Variants in LPL observed in about 807,000 individuals in gnomAD.
LPL encodes the protein lipoprotein lipase, also known as phospholipase A1.
LPL carries 43 observed loss-of-function variants against 52.2 expected under a neutral mutation model. That is an observed-to-expected ratio of 0.82 (90% CI 0.64 to 1.06). LPL has a LOEUF of 1.06. Ranked by LOEUF, LPL falls within the 50% of genes least tolerant of loss-of-function variation. LPL has a pLI of 0.00. For synonymous variants in LPL, 244 were observed against 215.6 expected (o/e 1.13, Z -1.15); for missense variants, 639 against 585.3 (o/e 1.09, Z -0.95).
At chr8:19,951,161 G>C (rs1427584904) in intron 2 of LPL, among the ~76,000 whole-genome samples, 1 of 152,218 alleles carries the variant, frequency 6.6e-6, no homozygotes, top group African/African-American at 2.4e-5. Context: ...ATCCCAGCAG[G>C]TTGCTTAGAC....
rs2070077382 is a variant in LPL at position 19,965,438 on chromosome 8, T to C, written c.*128T>C. On this transcript the variant is annotated 3_prime_UTR_variant, in exon 10 of 10. Coordinates refer to ENST00000650287, the MANE Select transcript of LPL (RefSeq NM_000237.3). ...AAAAGTGGATTTTCCTGAATATTAA[T>C]CCCAGCCCTACCCTTGTTAGTTATT... is the stretch of plus-strand genomic sequence containing the variant. 2.8e-6 allele frequency: 2 copies of C among 725,234 alleles called. No individual in the cohort carries two copies. Among genetic ancestry groups the C allele is most frequent in the Admixed American group, 3.7e-5 (2 of 54,046 alleles). 44.9% of individuals were successfully genotyped at this position (725,234 alleles called of 1,614,324 possible). A position where few individuals can be genotyped will look rare whatever the true frequency, so the allele number is the denominator to read the frequency against.
rs181652952 is a variant in LPL, at chr8:19,950,665, G to T, written c.250-1104G>T. On this transcript the variant is annotated intron_variant, in intron 2 of 9. Transcript: ENST00000650287. This position sits in a 1 kb window ranked among gnomAD's most constrained non-coding sequence, Gnocchi z 4.2. ...AAAAATACAAAAAAATTAGCCAGGT[G>T]TGGTGGTATGTGCTTGTAGTCCCAG... 6.6e-6 allele frequency among the ~76,000 whole-genome samples: 1 copy of T among 152,278 alleles called. No individual in the cohort carries two copies.
At position 19,966,012 on chromosome 8, in the gene LPL, C is replaced by A. The variant is rs2070085825; in HGVS notation, c.*702C>A. 6.6e-6 allele frequency: 1 copy of A among 151,948 alleles called. No homozygotes were observed. Among genetic ancestry groups the A allele is most frequent in the South Asian group, 2.1e-4 (1 of 4,820 alleles). The allele number at this position is 151,948 out of a possible 1,614,324, so 9.4% of individuals were successfully genotyped here. A position where few individuals can be genotyped will look rare whatever the true frequency, so the allele number is the denominator to read the frequency against. The stretch of plus-strand genomic sequence containing the variant: ...TAGGCTTTATCGTTTATTGCTTAAT[C>A]CCTCTCTCCCCCTTCTTTTTTGTCT... On this transcript the variant is annotated 3_prime_UTR_variant, in exon 10 of 10. Transcript: ENST00000650287.
chr8:19,963,322 G>C (rs554798801), intron 9 of LPL, among the ~76,000 whole-genome samples: 62 of 152,070 alleles, frequency 4.1e-4, no homozygotes, highest in African/African-American at 1.4e-3. Flanking sequence ...TGTAATCCCA[G>C]CTACTCGGCA....
chr8:19,958,162 G>T (rs916411946), intron 6 of LPL, among the ~76,000 whole-genome samples: 35 of 152,008 alleles, frequency 2.3e-4, no homozygotes, highest in Non-Finnish European at 4.6e-4. Context: ...GGGATTACAG[G>T]CACCCGCCAC....
At chr8:19,943,042 GA>G (rs1278616536) in intron 1 of LPL, among the ~76,000 whole-genome samples, 1 of 152,158 alleles carries the variant, frequency 6.6e-6, no homozygotes, top group African/African-American at 2.4e-5. Flanking sequence ...TTTGACAGTA[GA>G]ATAGAACAAA....
intron 4 of LPL, among the ~76,000 whole-genome samples, 172 bp downstream of exon 4, chr8:19,953,593 C>G (rs1234873207): frequency 6.6e-6 from 1 of 152,182 alleles, no homozygotes; most frequent in African/African-American, 2.4e-5. Context: ...AGAAAAAACA[C>G]AGACGCTCTC....
chr8:19,940,489 G>A (rs1167634053), intron 1 of LPL, among the ~76,000 whole-genome samples: 1 of 152,246 alleles, frequency 6.6e-6, no homozygotes, highest in Non-Finnish European at 1.5e-5. Context: ...TGGGGTCCAG[G>A]CGTTCGGGGC....
At chr8:19,954,535 T>A (rs542238264) in intron 5 of LPL, among the ~76,000 whole-genome samples, 182 bp downstream of exon 5, 84 of 152,312 alleles carry the variant, frequency 5.5e-4, no homozygotes, top group African/African-American at 1.9e-3. Flanking sequence ...AGCCATTTTA[T>A]CTTTTATTTA....
At chr8:19,943,596 GGTAA>G (rs2069858802) in intron 1 of LPL, among the ~76,000 whole-genome samples, 1 of 152,232 alleles carries the variant, frequency 6.6e-6, no homozygotes, top group South Asian at 2.1e-4. Flanking sequence ...AGATTAACCA[GGTAA>G]GTATTTTGTA....
intron 3 of LPL, 92 bp downstream of exon 3, chr8:19,952,040 T>C: frequency 1.4e-6 from 2 of 1,421,376 alleles, no homozygotes; most frequent in Non-Finnish European, 2.0e-6. Context: ...TTCTCTTAGA[T>C]TTAAATATTT....
chr8:19,957,387 A>T (rs1420300786), intron 6 of LPL, among the ~76,000 whole-genome samples: 1 of 152,164 alleles, frequency 6.6e-6, no homozygotes, highest in Non-Finnish European at 1.5e-5. Context: ...TGATTCTTAG[A>T]ATCTGTAGAG....
intron 9 of LPL, 116 bp downstream of exon 9, chr8:19,962,335 A>G: frequency 5.1e-6 from 4 of 777,226 alleles, no homozygotes. Context: ...CATGTGATCA[A>G]AGCATTCAAT....
chr8:19,960,774 A>G, intron 7 of LPL, 127 bp from the exon 8 acceptor site: 1 of 703,978 alleles, frequency 1.4e-6, no homozygotes, highest in African/African-American at 1.8e-5. Flanking sequence ...TTTGTTGGAC[A>G]TTTTTGTGCA....
rs1563575291 is a variant in LPL at position 19,954,336 on chromosome 8, CAG to C, written c.765_766del (p.Gly256ThrfsTer26). On this transcript the variant is annotated frameshift_variant, in exon 5 of 10. Coordinates refer to ENST00000650287, the MANE Select transcript of LPL (RefSeq NM_000237.3). LOFTEE classifies it high-confidence loss of function. ...ATTGGAGAAGCTATCCGCGTGATTG[CAG>C]AGAGAGGACTTGGAGGTAAATATTA... 1.2e-6 allele frequency: 2 copies of C among 1,613,938 alleles called. No individual in the cohort carries two copies. Among genetic ancestry groups the C allele is most frequent in the Non-Finnish European group, 1.7e-6 (2 of 1,179,828 alleles).
rs761167661 is a variant in LPL, at chr8:19,939,511, G to C, written c.71G>C (p.Gly24Ala). ...WLQSLTASRG[G>A]VAAADQRRDF... The stretch of plus-strand genomic sequence containing the variant: ...CAGAGTCTGACCGCCTCCCGCGGAG[G>C]GGTGGCCGCCGCCGACCGTAAGTTT... The change falls in exon 1 of 10, where the codon GGG (glycine) becomes GCG (alanine). Residue 24 changes from glycine (G) to alanine (A), a missense_variant. Physicochemically the swap from Gly to Ala is moderately conservative, Grantham distance 60 (BLOSUM62 0). Transcript: ENST00000650287. The surrounding 1 kb of genome is among the most constrained non-coding windows in gnomAD (Gnocchi z 4.0). The C allele has an allele frequency of 1.2e-6, 2 of 1,609,188 alleles. No individual in the cohort carries two copies. Among genetic ancestry groups the C allele is most frequent in the African/African-American group, 1.3e-5 (1 of 74,904 alleles).
At chr8:19,943,453 G>A (rs1009955190) in intron 1 of LPL, among the ~76,000 whole-genome samples, 3 of 152,228 alleles carry the variant, frequency 2.0e-5, no homozygotes, top group African/African-American at 4.8e-5. Context: ...AAAGAATAGC[G>A]TCCCCATGTT....
At chr8:19,952,415 T>C (rs2069942500) in intron 3 of LPL, among the ~76,000 whole-genome samples, 1 of 152,140 alleles carries the variant, frequency 6.6e-6, no homozygotes, top group African/African-American at 2.4e-5. Context: ...AGTGATGGAA[T>C]TGAGCTAGGA....
chr8:19,963,568 AAAAAT>A (rs760508744), intron 9 of LPL, among the ~76,000 whole-genome samples: 22 of 152,206 alleles, frequency 1.4e-4, no homozygotes, highest in Non-Finnish European at 1.3e-4. Flanking sequence ...AAAAATAAGC[AAAAAT>A]AAAATAAAAT....
Sources: allele counts gnomAD v4.1 joint callset (sites outside exome capture counted in the v4.1 genomes callset), GRCh38; gene constraint gnomAD v4.1.1; non-coding constraint Gnocchi (gnomAD v3.1); transcripts MANE v1.5; gene names NCBI Gene and HGNC (gene_info 2026-07-23, HGNC 2026-07-21).